RUNX3: variants seen among roughly 807,000 people sequenced by gnomAD.
The protein encoded by RUNX3 is runt-related transcription factor 3.
RUNX3 carries 10 observed loss-of-function variants against 27.7 expected under a neutral mutation model. The ratio of observed to expected loss-of-function variants is 0.36; its 90% CI spans 0.22 to 0.61. The LOEUF (loss-of-function observed/expected upper bound fraction) is 0.61. Ranked by LOEUF, RUNX3 falls within the 20% of genes least tolerant of loss-of-function variation. The probability of loss-of-function intolerance (pLI) is 0.72; values close to 1 mark genes in which losing one functional copy is unlikely to be tolerated. For missense variants in RUNX3, 469 were observed against 629.5 expected (o/e 0.75, Z 2.73); for synonymous variants, 270 against 269.2 (o/e 1.00, Z -0.03).
chr1:24,907,897 C>CTAAACCTCTACAACACACTGTGATG (rs1640701833), intron 3 of RUNX3, among the ~76,000 whole-genome samples: 1 of 151,862 alleles, frequency 6.6e-6, no homozygotes, highest in South Asian at 2.1e-4. Flanking sequence ...ACGCGGTGAT[C>CTAAACCTCTACAACACACTGTGATG]TAAACCTCTA....
intron 2 of RUNX3, among the ~76,000 whole-genome samples, chr1:24,945,314 G>A (rs1388240728): frequency 6.6e-6 from 1 of 152,132 alleles, no homozygotes; most frequent in Admixed American, 6.5e-5. Flanking sequence ...CCATTCCTGG[G>A]TATGTATTAG....
At position 24,901,588 on chromosome 1, in the gene RUNX3, C is replaced by T. The variant is rs943646090; in HGVS notation, c.*534G>A. On this transcript the variant is annotated 3_prime_UTR_variant, in exon 5 of 5. Transcript: ENST00000308873. ...CCCATCTGTACAATGAGGGGAACCC[C>T]GCTCGAGGGTGGTGGGGGTGGGGGA... 1.9e-5 allele frequency: 3 copies of T among 154,884 alleles called. No homozygotes were observed. Among genetic ancestry groups the T allele is most frequent in the Admixed American group, 6.4e-5 (1 of 15,712 alleles). 9.6% of individuals were successfully genotyped at this position (154,884 alleles called of 1,614,324 possible). A position where few individuals can be genotyped will look rare whatever the true frequency, so the allele number is the denominator to read the frequency against.
intron 2 of RUNX3, among the ~76,000 whole-genome samples, chr1:24,945,419 C>G (rs1641581727): frequency 6.6e-6 from 1 of 152,178 alleles, no homozygotes; most frequent in African/African-American, 2.4e-5. Context: ...TCCCAGAATG[C>G]CTACAGGGTA....
intron 2 of RUNX3, among the ~76,000 whole-genome samples, chr1:24,920,196 A>C (rs1443242241): frequency 6.6e-6 from 1 of 151,902 alleles, no homozygotes; most frequent in Non-Finnish European, 1.5e-5. Flanking sequence ...GAGAGGGGAA[A>C]AAACTTTTAA....
chr1:24,941,376 C>G (rs547488508), intron 2 of RUNX3, among the ~76,000 whole-genome samples: 18 of 152,204 alleles, frequency 1.2e-4, no homozygotes, highest in Non-Finnish European at 2.6e-4. Flanking sequence ...CAACCTCACC[C>G]GAGGAGCCAG....
intron 2 of RUNX3, among the ~76,000 whole-genome samples, chr1:24,953,003 A>C (rs563707716): frequency 6.6e-6 from 1 of 152,056 alleles, no homozygotes; most frequent in Admixed American, 6.5e-5. Context: ...AATTTTTACT[A>C]TCTTTCTTTT....
chr1:24,922,607 T>G (rs2124291121), intron 2 of RUNX3, among the ~76,000 whole-genome samples: 1 of 152,296 alleles, frequency 6.6e-6, no homozygotes, highest in Non-Finnish European at 1.5e-5. Context: ...ATGCTAGATC[T>G]TATTTAATAC....
intron 3 of RUNX3, among the ~76,000 whole-genome samples, chr1:24,911,452 G>A (rs1640794154): frequency 6.6e-6 from 1 of 152,200 alleles, no homozygotes; most frequent in Non-Finnish European, 1.5e-5. Context: ...CCTCACTCAA[G>A]TCACACTCCT....
intron 2 of RUNX3, among the ~76,000 whole-genome samples, chr1:24,953,102 C>G (rs1297444355): frequency 6.6e-6 from 1 of 152,110 alleles, no homozygotes; most frequent in Non-Finnish European, 1.5e-5. Context: ...CGCGGTGGCT[C>G]AAGCCTGCAA....
At chr1:24,950,758 A>G (rs2124361002) in intron 2 of RUNX3, among the ~76,000 whole-genome samples, 1 of 152,246 alleles carries the variant, frequency 6.6e-6, no homozygotes, top group East Asian at 1.9e-4. Context: ...TGACGGGAAT[A>G]CCAGGGCATA....
intron 2 of RUNX3, among the ~76,000 whole-genome samples, chr1:24,945,065 G>A (rs1442811124): frequency 6.6e-6 from 1 of 152,166 alleles, no homozygotes; most frequent in Non-Finnish European, 1.5e-5. Flanking sequence ...TCTCACAGAA[G>A]GTCAGCTGCA....
chr1:24,959,955 G>A (rs968782094), intron 2 of RUNX3, among the ~76,000 whole-genome samples: 4 of 152,174 alleles, frequency 2.6e-5, no homozygotes, highest in African/African-American at 4.8e-5. Context: ...TGCCCAGGAC[G>A]TTCCTTCTGC....
At chr1:24,933,173 C>T (rs928479397), upstream of RUNX3, among the ~76,000 whole-genome samples, 7 of 152,138 alleles carry the variant, frequency 4.6e-5, no homozygotes, top group Admixed American at 2.6e-4. Flanking sequence ...CCTGGGAAAC[C>T]GCCTAAGAGG....
intron 2 of RUNX3, chr1:24,961,347 A>G (rs1642106942): frequency 6.6e-6 from 1 of 152,246 alleles, no homozygotes; most frequent in African/African-American, 2.4e-5. Context: ...AGTGAAGACA[A>G]AAGGGAAGTC....
chr1:24,905,414 TC>T (rs1345834802), intron 4 of RUNX3, among the ~76,000 whole-genome samples: 1 of 152,198 alleles, frequency 6.6e-6, no homozygotes, highest in Non-Finnish European at 1.5e-5. Flanking sequence ...AGGCCCTTTC[TC>T]TCACCCAAAG....
intron 2 of RUNX3, among the ~76,000 whole-genome samples, chr1:24,941,162 A>C (rs1256471135): frequency 6.6e-6 from 1 of 152,114 alleles, no homozygotes; most frequent in Non-Finnish European, 1.5e-5. Context: ...AGCTGTCCTC[A>C]TCATGGCAAC....
intron 2 of RUNX3, among the ~76,000 whole-genome samples, chr1:24,951,996 AGGTATG>A (rs1171092623): frequency 1.3e-5 from 2 of 152,202 alleles, no homozygotes; most frequent in African/African-American, 2.4e-5. Context: ...AAATGAGCAA[AGGTATG>A]GAAAACACTT....
At chr1:24,934,030 C>T (rs1354053354), upstream of RUNX3, among the ~76,000 whole-genome samples, 2 of 152,208 alleles carry the variant, frequency 1.3e-5, no homozygotes, top group Non-Finnish European at 2.9e-5. Context: ...CAATGGAGGT[C>T]ATTCTAACCA....
chr1:24,908,063 C>CGCGGTG (rs1640708728), intron 3 of RUNX3, among the ~76,000 whole-genome samples: 2 of 151,500 alleles, frequency 1.3e-5, no homozygotes, highest in African/African-American at 4.9e-5. Context: ...CTCTACGACA[C>CGCGGTG]ACGGTGATCC....
Sources: gnomAD v4.1 joint callset for allele counts (sites outside exome capture counted in the v4.1 genomes callset) on GRCh38, gnomAD v4.1.1 for gene constraint, MANE v1.5 for transcripts, NCBI Gene and HGNC (gene_info 2026-07-23, HGNC 2026-07-21) for gene names.